Variants in ZFYVE9 observed in about 807,000 individuals in gnomAD.
ZFYVE9 encodes zinc finger FYVE-type containing 9.
ZFYVE9 carries 43 observed loss-of-function variants against 126.7 expected under a neutral mutation model. That is an observed-to-expected ratio of 0.34 (90% confidence interval 0.27 to 0.44). ZFYVE9 has a LOEUF of 0.44. Ranked by LOEUF, ZFYVE9 falls within the 20% of genes least tolerant of loss-of-function variation. The pLI is 1.00. For synonymous variants in ZFYVE9, 521 were observed against 597.4 expected (o/e 0.87, Z 1.87); for missense variants, 1,476 against 1,697.0 (o/e 0.87, Z 2.29).
At chr1:52,321,101 TGTATA>T (rs1318469790) in intron 13 of ZFYVE9, among the ~76,000 whole-genome samples, 1 of 152,234 alleles carries the variant, frequency 6.6e-6, no homozygotes, top group Non-Finnish European at 1.5e-5. Flanking sequence ...TTCTCCATCT[TGTATA>T]GGACAGGCTG....
chr1:52,264,571 G>C (rs1216984558), intron 5 of ZFYVE9, among the ~76,000 whole-genome samples: 1 of 152,130 alleles, frequency 6.6e-6, no homozygotes, highest in Non-Finnish European at 1.5e-5. Flanking sequence ...CACTAAAATT[G>C]TTCAGGTTAT....
intron 1 of ZFYVE9, among the ~76,000 whole-genome samples, chr1:52,178,341 T>C (rs1488727033): frequency 6.6e-6 from 1 of 151,192 alleles, no homozygotes; most frequent in East Asian, 1.9e-4. Flanking sequence ...TTTTTTTTTT[T>C]TCGTTTTTGA....
intron 18 of ZFYVE9, among the ~76,000 whole-genome samples, chr1:52,345,286 C>T (rs1646473670): frequency 6.6e-6 from 1 of 152,168 alleles, no homozygotes; most frequent in Non-Finnish European, 1.5e-5. Flanking sequence ...AACCCTTTAG[C>T]TCCGAGTCAC....
chr1:52,204,425 G>A (rs919462347), intron 1 of ZFYVE9, among the ~76,000 whole-genome samples: 1 of 151,966 alleles, frequency 6.6e-6, no homozygotes, highest in African/African-American at 2.4e-5. Context: ...AGGGCAGACC[G>A]TATTAAGAAT....
chr1:52,282,611 C>A (rs1007587829), intron 10 of ZFYVE9, among the ~76,000 whole-genome samples: 2 of 152,068 alleles, frequency 1.3e-5, no homozygotes, highest in African/African-American at 4.8e-5. Flanking sequence ...TATATTAAAA[C>A]AATAAATTAT....
At position 52,241,037 on chromosome 1, in the gene ZFYVE9, G is replaced by T. The variant is rs192756729; in HGVS notation, c.2178+1442G>T. Among the ~76,000 whole-genome samples the T allele has an allele frequency of 2.0e-4, 31 of 152,220 alleles. 1 individual carries two copies. Among genetic ancestry groups the T allele is most frequent in the Non-Finnish European group, 4.4e-5 (3 of 68,012 alleles). On this transcript the variant is annotated intron_variant, in intron 4 of 18. Coordinates refer to ENST00000287727, the MANE Select transcript of ZFYVE9 (RefSeq NM_004799.4). ...CATAATAAAATCATACTATATTTGG[G>T]ATTCTTGCAAAATGAGTAGATTTTG...
At chr1:52,223,992 T>C (rs346554) in intron 2 of ZFYVE9, among the ~76,000 whole-genome samples, 31,622 of 152,114 alleles carry the variant, frequency 0.21, 6,511 homozygotes, top group African/African-American at 0.54. Context: ...TGATCTGCGA[T>C]TCCAAAAGGG....
intron 1 of ZFYVE9, among the ~76,000 whole-genome samples, chr1:52,147,399 A>G (rs1238934700): frequency 1.3e-5 from 2 of 152,178 alleles, no homozygotes; most frequent in East Asian, 3.9e-4. Context: ...AGTCACTCCC[A>G]GGATCTCCCT....
chr1:52,188,316 G>T (rs1039892238), intron 1 of ZFYVE9, among the ~76,000 whole-genome samples: 1 of 152,142 alleles, frequency 6.6e-6, no homozygotes, highest in East Asian at 1.9e-4. Context: ...CGGACACTGG[G>T]TCCTACTGGA....
intron 13 of ZFYVE9, among the ~76,000 whole-genome samples, chr1:52,304,591 T>A (rs1051536204): frequency 4.6e-5 from 7 of 152,108 alleles, no homozygotes; most frequent in Non-Finnish European, 8.8e-5. Flanking sequence ...TAATTTTTCC[T>A]TCCTTTTTCC....
intron 1 of ZFYVE9, among the ~76,000 whole-genome samples, chr1:52,181,652 G>A (rs971366816): frequency 2.0e-5 from 3 of 151,702 alleles, no homozygotes; most frequent in Non-Finnish European, 4.4e-5. Context: ...GCCTCTTCCC[G>A]GCCGCCATCC....
chr1:52,175,436 C>G (rs1225321124), intron 1 of ZFYVE9, among the ~76,000 whole-genome samples: 1 of 151,710 alleles, frequency 6.6e-6, no homozygotes, highest in African/African-American at 2.4e-5. Flanking sequence ...CTGCCCTTAA[C>G]ATTTTTTCCT....
rs1481292525 is a variant in ZFYVE9, at chr1:52,344,777, C to A, written c.3949C>A (p.Leu1317Ile). ...KVIRWTEVFF[L>I]ENDDQHNCLS... ...TTTGTTTGGGGAACAGGTGTTTTTC[C>A]TAGAAAACGATGACCAGCACAATTG... Residue 1317 changes from leucine (L) to isoleucine (I), a missense_variant, in exon 18 of 19, where the codon CTA becomes ATA. This residue lies in a region of ZFYVE9 where 669 missense variants were observed against 902.4 expected (regional missense o/e 0.74). Coordinates refer to ENST00000287727, the MANE Select transcript of ZFYVE9 (RefSeq NM_004799.4). 6.2e-7 allele frequency: 1 copy of A among 1,613,106 alleles called. No homozygotes were observed. The highest frequency in any genetic ancestry group is 8.5e-7 in the Non-Finnish European group (1 of 1,179,504).
Position 52,229,811 on chromosome 1 carries a change from T to C in ZFYVE9, c.-36-3360T>C, listed in dbSNP as rs77540591. 4.9e-3 allele frequency among the ~76,000 whole-genome samples: 742 copies of C among 152,206 alleles called. 4 individuals carry two copies. The highest frequency in any genetic ancestry group is 0.017 in the African/African-American group (709 of 41,532). ...AGAATGGGGTGCCATGAGGGATTGT[T>C]GTTGTAGAAAAAGCGGGTTCTTGTC... is the stretch of plus-strand genomic sequence containing the variant. On this transcript the variant is annotated intron_variant, in intron 2 of 18. Coordinates refer to ENST00000287727, the MANE Select transcript of ZFYVE9 (RefSeq NM_004799.4).
chr1:52,180,686 C>A (rs372493195), intron 1 of ZFYVE9: 3 of 367,136 alleles, frequency 8.2e-6, no homozygotes, highest in East Asian at 6.6e-5. Context: ...TAGAAATAAT[C>A]ATTGCTGGGC....
chr1:52,322,375 T>G lies in ZFYVE9; in HGVS notation c.3439-10393T>G, dbSNP rs532053323. The stretch of plus-strand genomic sequence containing the variant: ...TTAATGTAGCAGCCTAAGTGGTCTT[T>G]TCTTTTTTTTTTTTTTTTTTTTGAG... On this transcript the variant is annotated intron_variant, in intron 13 of 18. Transcript: ENST00000287727. 5.2e-3 allele frequency among the ~76,000 whole-genome samples: 757 copies of G among 145,924 alleles called. 6 individuals carry two copies. The highest frequency in any genetic ancestry group is 0.019 in the African/African-American group (711 of 36,550).
intron 1 of ZFYVE9, among the ~76,000 whole-genome samples, chr1:52,213,956 A>G (rs1170293702): frequency 1.4e-4 from 22 of 152,132 alleles, no homozygotes; most frequent in Admixed American, 1.4e-3. Context: ...AATATGATAC[A>G]AAGAATGATT....
Position 52,267,709 on chromosome 1 carries a change from C to G in ZFYVE9, c.2456-754C>G, listed in dbSNP as rs1231818355. On this transcript the variant is annotated intron_variant, in intron 6 of 18. Coordinates refer to ENST00000287727, the MANE Select transcript of ZFYVE9 (RefSeq NM_004799.4). ...TTGTATTTTTATGAATTTAGGCTTTCTTAAAATCTTTATTCTCTTCATTTG... is the reference window on the plus strand; with the variant it reads ...TTGTATTTTTATGAATTTAGGCTTTGTTAAAATCTTTATTCTCTTCATTTG... Among the ~76,000 whole-genome samples, 6 of 152,056 alleles carry G rather than the reference C, an allele frequency of 3.9e-5. No individual in the cohort carries two copies. The East Asian group carries it at 7.7e-4, about 20-fold the overall frequency.
intron 4 of ZFYVE9, among the ~76,000 whole-genome samples, chr1:52,249,563 A>G (rs1010706823): frequency 6.6e-6 from 1 of 152,078 alleles, no homozygotes; most frequent in Non-Finnish European, 1.5e-5. Context: ...TGATTTGCAG[A>G]TATTTTCTCT....
Sources: gnomAD v4.1 joint callset for allele counts (sites outside exome capture counted in the v4.1 genomes callset) on GRCh38, gnomAD v4.1.1 for gene constraint, gnomAD v4.1.1 regional missense constraint, MANE v1.5 for transcripts, NCBI Gene and HGNC (gene_info 2026-07-23, HGNC 2026-07-21) for gene names.